The following CSMD2 variants were observed in gnomAD, a reference collection of about 807,000 sequenced individuals.
The protein encoded by CSMD2 is CUB and sushi domain-containing protein 2.
CSMD2 carries 130 observed loss-of-function variants against 398.5 expected under a neutral mutation model. The observed-to-expected ratio is 0.33, with a 90% CI of 0.28 to 0.38. CSMD2 has a LOEUF of 0.38. Among genes scored for constraint, CSMD2 ranks in the 10% least tolerant of loss-of-function variants. CSMD2 has a pLI of 1.00. For synonymous variants in CSMD2, 1,828 were observed against 1,908.5 expected, an observed-to-expected ratio of 0.96 and a Z score of 1.10; for missense variants, 3,829 against 4,764.9, an observed-to-expected ratio of 0.80 and a Z score of 5.78.
At chr1:33,710,805 CT>C (rs1645962488) in intron 21 of CSMD2, among the ~76,000 whole-genome samples, 1 of 151,996 alleles carries the variant, frequency 6.6e-6, no homozygotes, top group Non-Finnish European at 1.5e-5. Context: ...AGTTATACAT[CT>C]TGTGTTTTAT....
intron 1 of CSMD2, among the ~76,000 whole-genome samples, chr1:34,142,299 G>C (rs1006124936): frequency 6.6e-6 from 1 of 152,038 alleles, no homozygotes; most frequent in East Asian, 1.9e-4. Context: ...AGAGATGAAC[G>C]GTCTGCAGGA....
chr1:33,977,567 C>A (rs1052777544), intron 3 of CSMD2, among the ~76,000 whole-genome samples: 1 of 152,038 alleles, frequency 6.6e-6, no homozygotes, highest in Non-Finnish European at 1.5e-5. Flanking sequence ...CTTCCAGGGA[C>A]CCTCAGGACA....
At chr1:33,607,293 CT>C (rs1055182008) in intron 41 of CSMD2, among the ~76,000 whole-genome samples, 3 of 152,092 alleles carry the variant, frequency 2.0e-5, no homozygotes, top group Non-Finnish European at 4.4e-5. Context: ...AAAGAAGACC[CT>C]AGCATGGGAA....
intron 25 of CSMD2, among the ~76,000 whole-genome samples, chr1:33,678,423 A>T (rs1644793646): frequency 6.6e-6 from 1 of 152,160 alleles, no homozygotes; most frequent in African/African-American, 2.4e-5. Context: ...CCAGAATATG[A>T]AAGGGCTTTG....
chr1:33,516,051 GCTGACCGGGTTTCTGCACT>G lies in CSMD2; in HGVS notation c.*554_*572del, dbSNP rs1371497701. On this transcript the variant is annotated 3_prime_UTR_variant, in exon 71 of 71. Coordinates refer to ENST00000373381, the MANE Select transcript of CSMD2 (RefSeq NM_001281956.2). ...ATCAGCAGACAGCTGGTTTCTGCAC[GCTGACCGGGTTTCTGCACT>G]CTGACCGCATGATGGGATGTGTCCT... The G allele has an allele frequency of 8.9e-4, 135 of 152,296 alleles. No individual in the cohort carries two copies. Among genetic ancestry groups the G allele is most frequent in the African/African-American group, 3.1e-3 (129 of 41,564 alleles). 9.4% of individuals were successfully genotyped at this position (152,296 alleles called of 1,614,324 possible).
chr1:33,540,746 C>T, intron 59 of CSMD2, 48 bp from the exon 60 acceptor site: 2 of 1,602,676 alleles, frequency 1.2e-6, no homozygotes, highest in Non-Finnish European at 1.7e-6. Context: ...TCCTGGGAAA[C>T]CAGCCCCCGT....
intron 3 of CSMD2, among the ~76,000 whole-genome samples, chr1:34,023,431 T>A (rs1264051142): frequency 6.6e-6 from 1 of 152,180 alleles, no homozygotes; most frequent in Admixed American, 6.5e-5. Flanking sequence ...CACTTTTGTG[T>A]TGTACAAAAG....
At chr1:33,972,096 T>C (rs757427993) in intron 3 of CSMD2, among the ~76,000 whole-genome samples, 1 of 150,188 alleles carries the variant, frequency 6.7e-6, no homozygotes, top group African/African-American at 2.5e-5. Flanking sequence ...ACCGCGGGAG[T>C]AGGTGGTGGG....
Position 33,811,250 on chromosome 1 carries a change from G to A in CSMD2, c.1325-386C>T, listed in dbSNP as rs148337560. On this transcript the variant is annotated intron_variant, in intron 9 of 70. Coordinates refer to ENST00000373381, the MANE Select transcript of CSMD2 (RefSeq NM_001281956.2). The stretch of plus-strand genomic sequence containing the variant: ...ACCTATGGACACCTAAGCAGCCCAC[G>A]CCTTACTCTGCTGACCTGTCTGTTT... 1.2e-3 allele frequency among the ~76,000 whole-genome samples: 188 copies of A among 152,202 alleles called. 1 individual carries two copies. The East Asian group carries it at 0.02, about 16-fold the overall frequency.
At chr1:34,109,090 C>T (rs1382600) in intron 1 of CSMD2, among the ~76,000 whole-genome samples, 56,912 of 151,980 alleles carry the variant, frequency 0.37, 11,277 homozygotes, top group East Asian at 0.63. Context: ...TGGACATCTA[C>T]TGGGAATCCA....
At chr1:34,089,460 T>G (rs113382068) in intron 1 of CSMD2, among the ~76,000 whole-genome samples, 40 of 152,312 alleles carry the variant, frequency 2.6e-4, no homozygotes, top group African/African-American at 9.1e-4. Flanking sequence ...ATTAAGGCTT[T>G]GAGAATCTGA....
intron 25 of CSMD2, among the ~76,000 whole-genome samples, chr1:33,676,681 G>A (rs1391283234): frequency 6.6e-6 from 1 of 152,144 alleles, no homozygotes; most frequent in Non-Finnish European, 1.5e-5. Context: ...AACAAAGCTG[G>A]AGGCATCACA....
intron 3 of CSMD2, among the ~76,000 whole-genome samples, chr1:33,941,694 T>G (rs1480733254): frequency 6.6e-6 from 1 of 152,208 alleles, no homozygotes; most frequent in Non-Finnish European, 1.5e-5. Flanking sequence ...CGGTTTGGCC[T>G]TTTAAACATA....
chr1:33,649,307 C>G lies in CSMD2; in HGVS notation c.4587-2472G>C, dbSNP rs187020430. On this transcript the variant is annotated intron_variant, in intron 28 of 70. Transcript: ENST00000373381. ...GTCCACAGGCTCTCAGAAACCATGA[C>G]TTTAAGTGAAATGACATATAACAAA... 3.9e-5 allele frequency among the ~76,000 whole-genome samples: 6 copies of G among 152,306 alleles called. No homozygotes were observed. In the East Asian group the frequency reaches 1.2e-3, roughly 29 times the overall value.
rs186947643 is a variant in CSMD2, at chr1:34,010,129, A to G, written c.517+22465T>C. Among the ~76,000 whole-genome samples the G allele has an allele frequency of 2.5e-4, 38 of 152,298 alleles. No homozygotes were observed. The East Asian group carries it at 4.1e-3, about 16-fold the overall frequency. Reference sequence around the variant, plus strand: ...TGTAGAGCCTTCCTTGCCTTCTGATACTATTCCCAGAGACTGAATCACATG... The same window carrying G: ...TGTAGAGCCTTCCTTGCCTTCTGATGCTATTCCCAGAGACTGAATCACATG... On this transcript the variant is annotated intron_variant, in intron 3 of 70. Coordinates refer to ENST00000373381, the MANE Select transcript of CSMD2 (RefSeq NM_001281956.2).
intron 29 of CSMD2, among the ~76,000 whole-genome samples, chr1:33,642,662 T>C (rs530612667): frequency 1.3e-5 from 2 of 152,356 alleles, no homozygotes; most frequent in East Asian, 3.9e-4. Context: ...TATTGTTATC[T>C]GTATTGTTAA....
intron 14 of CSMD2, 147 bp downstream of exon 14, chr1:33,743,133 G>C (rs1023181887): frequency 2.7e-5 from 17 of 639,222 alleles, no homozygotes; most frequent in Non-Finnish European, 4.3e-5. Context: ...GTCATGCTGG[G>C]AGCTCCATGA....
chr1:33,811,672 C>A (rs138301771), intron 9 of CSMD2, among the ~76,000 whole-genome samples: 2 of 152,212 alleles, frequency 1.3e-5, no homozygotes, highest in African/African-American at 4.8e-5. Context: ...TAATTAAGCT[C>A]TTTAAAATAG....
At chr1:33,922,374 A>G (rs1643974121) in intron 4 of CSMD2, among the ~76,000 whole-genome samples, 1 of 152,040 alleles carries the variant, frequency 6.6e-6, no homozygotes, top group South Asian at 2.1e-4. Context: ...AGGGGGAGGG[A>G]GTGGCTCAGG....
Sources: gnomAD v4.1 joint callset for allele counts (sites outside exome capture counted in the v4.1 genomes callset) on GRCh38, gnomAD v4.1.1 for gene constraint, MANE v1.5 for transcripts, NCBI Gene and HGNC (gene_info 2026-07-23, HGNC 2026-07-21) for gene names.